The following TTC28 variants were observed in gnomAD, a reference collection of about 807,000 sequenced individuals.
The protein encoded by TTC28 is tetratricopeptide repeat protein 28.
Under a neutral mutation model 198.0 loss-of-function variants are expected in TTC28, and 61 were observed. The observed-to-expected ratio is 0.31, with a 90% CI of 0.25 to 0.38. TTC28 has a LOEUF of 0.38. Among genes scored for constraint, TTC28 ranks in the 10% least tolerant of loss-of-function variants. TTC28 has a pLI of 1.00. For missense variants in TTC28, 2,678 were observed against 3,164.0 expected, an observed-to-expected ratio of 0.85 and a Z score of 3.69; for synonymous variants, 1,171 against 1,297.8, an observed-to-expected ratio of 0.90 and a Z score of 2.10.
chr22:28,302,411 C>A (rs1474123910), intron 3 of TTC28, among the ~76,000 whole-genome samples: 4 of 152,184 alleles, frequency 2.6e-5, no homozygotes, highest in Non-Finnish European at 5.9e-5. Flanking sequence ...ATTAGTACTG[C>A]TGCTGCTTCC....
At chr22:28,050,435 T>C (rs925137713) in intron 12 of TTC28, among the ~76,000 whole-genome samples, 5 of 152,206 alleles carry the variant, frequency 3.3e-5, no homozygotes, top group African/African-American at 1.2e-4. Flanking sequence ...TAACTGAAAA[T>C]GGTCTTCAAA....
At chr22:28,553,399 G>A (rs369941980) in intron 2 of TTC28, among the ~76,000 whole-genome samples, 5 of 150,816 alleles carry the variant, frequency 3.3e-5, no homozygotes, top group South Asian at 4.2e-4. Flanking sequence ...CTGCCCGGCC[G>A]CCCATCGTCT....
intron 2 of TTC28, among the ~76,000 whole-genome samples, chr22:28,584,672 T>C (rs957207140): frequency 6.6e-6 from 1 of 152,218 alleles, no homozygotes; most frequent in African/African-American, 2.4e-5. Flanking sequence ...GCACCTACCA[T>C]ACCGGACAAC....
At chr22:28,204,434 G>A (rs956498958) in intron 5 of TTC28, among the ~76,000 whole-genome samples, 1 of 152,112 alleles carries the variant, frequency 6.6e-6, no homozygotes, top group African/African-American at 2.4e-5. Context: ...ACATGCAGTA[G>A]TTCTATTCTC....
intron 2 of TTC28, among the ~76,000 whole-genome samples, chr22:28,361,962 C>T (rs5752726): frequency 0.14 from 21,073 of 152,214 alleles, 1,817 homozygotes; most frequent in East Asian, 0.37. Context: ...TGAGACCCTA[C>T]TGATCAAAAG....
rs6005736 is a variant in TTC28 at position 28,188,011 on chromosome 22, T to C, written c.934-24412A>G. Among the ~76,000 whole-genome samples the C allele has an allele frequency of 1.2e-4, 18 of 152,278 alleles. No individual in the cohort carries two copies. The East Asian group carries it at 1.7e-3, about 15-fold the overall frequency. On this transcript the variant is annotated intron_variant, in intron 5 of 22. Coordinates refer to ENST00000397906, the MANE Select transcript of TTC28 (RefSeq NM_001145418.2). ...TTGATGTATTCACCACTCAACAACA[T>C]TGAGTGCCTACTATGTGCTAGGTCC...
chr22:28,430,956 T>C (rs991170323), intron 2 of TTC28, among the ~76,000 whole-genome samples: 2 of 151,366 alleles, frequency 1.3e-5, no homozygotes, highest in Non-Finnish European at 2.9e-5. Context: ...TACTCCCTCA[T>C]CTCTGCCTGG....
chr22:28,590,688 A>G (rs1456660185), intron 2 of TTC28, among the ~76,000 whole-genome samples: 1 of 152,084 alleles, frequency 6.6e-6, no homozygotes, highest in Non-Finnish European at 1.5e-5. Flanking sequence ...ATATTCACTT[A>G]TATCACAAAT....
intron 2 of TTC28, among the ~76,000 whole-genome samples, chr22:28,518,797 T>C (rs2048841868): frequency 6.6e-6 from 1 of 152,124 alleles, no homozygotes; most frequent in Non-Finnish European, 1.5e-5. Flanking sequence ...ACGAAAGTAG[T>C]AAAAAGGTCT....
At chr22:28,153,483 A>G (rs1438855447) in intron 6 of TTC28, among the ~76,000 whole-genome samples, 2 of 151,440 alleles carry the variant, frequency 1.3e-5, no homozygotes, top group Non-Finnish European at 2.9e-5. Context: ...CTCATACGTA[A>G]AATCAATTAG....
intron 6 of TTC28, among the ~76,000 whole-genome samples, chr22:28,129,012 A>C (rs575005965): frequency 3.3e-4 from 51 of 152,320 alleles, no homozygotes; most frequent in Non-Finnish European, 1.9e-4. Flanking sequence ...AAAGATGCCT[A>C]ACTGCCTTGG....
chr22:28,536,602 C>T (rs2049285040), intron 2 of TTC28, among the ~76,000 whole-genome samples: 1 of 151,804 alleles, frequency 6.6e-6, no homozygotes, highest in Non-Finnish European at 1.5e-5. Context: ...CCAGCCTGGG[C>T]GACAGAGCGA....
At chr22:28,452,251 A>G (rs993646057) in intron 2 of TTC28, among the ~76,000 whole-genome samples, 4 of 151,938 alleles carry the variant, frequency 2.6e-5, no homozygotes, top group East Asian at 1.9e-4. Flanking sequence ...TTAGCTGGGC[A>G]TGGTGGCATG....
chr22:28,230,993 A>G (rs1401930416), intron 5 of TTC28, among the ~76,000 whole-genome samples: 1 of 152,216 alleles, frequency 6.6e-6, no homozygotes, highest in Non-Finnish European at 1.5e-5. Context: ...TATAATAAAT[A>G]CTAGTATATA....
At chr22:28,298,810 A>G (rs1485665513) in intron 3 of TTC28, among the ~76,000 whole-genome samples, 1 of 152,122 alleles carries the variant, frequency 6.6e-6, no homozygotes, top group East Asian at 1.9e-4. Flanking sequence ...TTCCTAGAAG[A>G]TGCTATAAAA....
At chr22:28,443,133 T>A (rs2047650580) in intron 2 of TTC28, 1 of 152,118 alleles carries the variant, frequency 6.6e-6, no homozygotes, top group Admixed American at 6.5e-5. Flanking sequence ...GGCTAGGAAG[T>A]CCCAGCAGCC....
intron 6 of TTC28, among the ~76,000 whole-genome samples, chr22:28,119,833 T>G (rs1302853691): frequency 2.6e-5 from 4 of 152,222 alleles, no homozygotes; most frequent in African/African-American, 7.2e-5. Flanking sequence ...CCAGCTGAAG[T>G]TGTTAAAATA....
intron 2 of TTC28, among the ~76,000 whole-genome samples, chr22:28,420,091 C>T (rs1327912729): frequency 6.6e-6 from 1 of 152,142 alleles, no homozygotes; most frequent in Non-Finnish European, 1.5e-5. Context: ...TTGTACAGCC[C>T]TTGTCATCAC....
At chr22:28,388,651 T>A (rs1318964099) in intron 2 of TTC28, among the ~76,000 whole-genome samples, 1 of 152,136 alleles carries the variant, frequency 6.6e-6, no homozygotes, top group Non-Finnish European at 1.5e-5. Context: ...CTGTCTGTTG[T>A]TGGTGTATAA....
Sources: gnomAD v4.1 joint callset for allele counts (sites outside exome capture counted in the v4.1 genomes callset) on GRCh38, gnomAD v4.1.1 for gene constraint, MANE v1.5 for transcripts, NCBI Gene and HGNC (gene_info 2026-07-23, HGNC 2026-07-21) for gene names.